The following APLP2 variants were observed in gnomAD, a reference collection of about 807,000 sequenced individuals.
APLP2 encodes CDEI box-binding protein.
APLP2 carries 53 observed loss-of-function variants against 89.9 expected under a neutral mutation model. The observed-to-expected ratio is 0.59, with a 90% CI of 0.47 to 0.74. APLP2 has a LOEUF of 0.74. APLP2 is among the 30% of genes least tolerant of loss of function. The pLI is 0.00. For missense variants in APLP2, 973 were observed against 975.9 expected, an observed-to-expected ratio of 1.00 and a Z score of 0.04; for synonymous variants, 372 against 348.6, an observed-to-expected ratio of 1.07 and a Z score of -0.75.
intron 11 of APLP2, among the ~76,000 whole-genome samples, chr11:130,132,109 T>C (rs1950990481): frequency 6.6e-6 from 1 of 152,158 alleles, no homozygotes; most frequent in Non-Finnish European, 1.5e-5. Context: ...CTGTGGTTCT[T>C]GTCCTCTGTG....
intron 1 of APLP2, among the ~76,000 whole-genome samples, chr11:130,106,021 G>A (rs1421410698): frequency 1.3e-5 from 2 of 152,076 alleles, no homozygotes; most frequent in East Asian, 1.9e-4. Context: ...TGCTTTTCTC[G>A]TGCATGTCTG....
At chr11:130,143,281 T>C in intron 16 of APLP2, 66 bp from the exon 17 acceptor site, 1 of 1,447,142 alleles carries the variant, frequency 6.9e-7, no homozygotes, top group South Asian at 1.1e-5. Flanking sequence ...ATGGCTCAGG[T>C]CTCCCAGCAC....
intron 1 of APLP2, among the ~76,000 whole-genome samples, chr11:130,091,919 C>G (rs1366943815): frequency 7.7e-6 from 1 of 129,622 alleles, no homozygotes; most frequent in Non-Finnish European, 1.6e-5. Flanking sequence ...CTCCTCACTT[C>G]TCAGACGGGG....
intron 1 of APLP2, among the ~76,000 whole-genome samples, chr11:130,081,196 A>T (rs1943096079): frequency 6.6e-6 from 1 of 152,104 alleles, no homozygotes; most frequent in South Asian, 2.1e-4. Context: ...CCAGGTCATT[A>T]CATATTTTGT....
rs1196960502 is a variant in APLP2 at position 130,069,896 on chromosome 11, A to G, written c.-82A>G. On this transcript the variant is annotated 5_prime_UTR_variant, in exon 1 of 17. The change abolishes an upstream ATG in the 5' untranslated region. Coordinates refer to ENST00000338167, the MANE Select transcript of APLP2 (RefSeq NM_001142276.2). ...CGGGGCGGCGGCGAACTGGCTTTAG[A>G]TGCTTCTGGGTCGCGGTGTGCTAAG... The G allele has an allele frequency of 2.8e-6, 3 of 1,070,568 alleles. No homozygotes were observed. The highest frequency in any genetic ancestry group is 1.7e-5 in the African/African-American group (1 of 59,998). 66.3% of individuals were successfully genotyped at this position (1,070,568 alleles called of 1,614,324 possible).
At position 130,123,813 on chromosome 11, in the gene APLP2, G is replaced by A; in HGVS notation, c.1090+34G>A. 6.2e-7 allele frequency: 1 copy of A among 1,605,574 alleles called. No homozygotes were observed. Among genetic ancestry groups the A allele is most frequent in the Non-Finnish European group, 8.5e-7 (1 of 1,174,530 alleles). ...TGCCTCGCGCTGGTCCCGTGCGGCA[G>A]CACCGTCCTGTCTGGCGTCCGTCTC... On this transcript the variant is annotated intron_variant, in intron 7 of 16. Transcript: ENST00000338167. This position sits in a 1 kb window ranked among gnomAD's most constrained non-coding sequence, Gnocchi z 4.0.
intron 1 of APLP2, chr11:130,070,674 G>C (rs1437491618): frequency 6.1e-6 from 9 of 1,478,418 alleles, no homozygotes; most frequent in Admixed American, 4.7e-5. Flanking sequence ...TGCCGCCTGG[G>C]GCCGGGTCGC....
At chr11:130,129,952 T>G (rs1950752112) in intron 10 of APLP2, 86 bp from the exon 11 acceptor site, 2 of 1,482,392 alleles carry the variant, frequency 1.3e-6, no homozygotes, top group Non-Finnish European at 9.3e-7. Context: ...CTTTACATTC[T>G]TAAGTGAACT....
chr11:130,079,083 T>TTTG, intron 1 of APLP2, among the ~76,000 whole-genome samples: 1 of 130,758 alleles, frequency 7.6e-6, no homozygotes, highest in East Asian at 2.5e-4. Context: ...CATGTATTTT[T>TTTG]TTTATTTATT....
intron 1 of APLP2, among the ~76,000 whole-genome samples, chr11:130,073,595 C>T (rs1469166771): frequency 1.3e-5 from 2 of 152,202 alleles, no homozygotes; most frequent in African/African-American, 2.4e-5. Context: ...GTAATCCTAG[C>T]ACTTTGGGAG....
Position 130,141,416 on chromosome 11 carries a change from G to A in APLP2, c.1924-82G>A, listed in dbSNP as rs1952368307. ...ACCTGCTTCCTTCCATCAAGCAGCAGGTAGCAGAGGAAGGAGGCAGTAAAT... is the reference window on the plus strand; with the variant it reads ...ACCTGCTTCCTTCCATCAAGCAGCAAGTAGCAGAGGAAGGAGGCAGTAAAT... On this transcript the variant is annotated intron_variant, in intron 14 of 16. Coordinates refer to ENST00000338167, the MANE Select transcript of APLP2 (RefSeq NM_001142276.2). The surrounding 1 kb of genome is among the most constrained non-coding windows in gnomAD (Gnocchi z 4.2). 2 of 1,141,376 alleles carry A rather than the reference G, an allele frequency of 1.8e-6. No homozygotes were observed. Among genetic ancestry groups the A allele is most frequent in the African/African-American group, 3.0e-5 (2 of 66,030 alleles). 70.7% of individuals were successfully genotyped at this position (1,141,376 alleles called of 1,614,324 possible). A position where few individuals can be genotyped will look rare whatever the true frequency, so the allele number is the denominator to read the frequency against.
intron 1 of APLP2, among the ~76,000 whole-genome samples, chr11:130,071,170 A>G (rs927154184): frequency 3.3e-5 from 5 of 152,160 alleles, no homozygotes; most frequent in Admixed American, 1.3e-4. Context: ...AGAGACCTGA[A>G]GACTGGATTT....
chr11:130,114,297 T>C (rs1948933975), intron 3 of APLP2: 1 of 152,226 alleles, frequency 6.6e-6, no homozygotes, highest in South Asian at 2.1e-4. Context: ...ACGCCTCCGA[T>C]AAACCTCACT....
At chr11:130,073,653 C>A (rs570304904) in intron 1 of APLP2, among the ~76,000 whole-genome samples, 81 of 152,294 alleles carry the variant, frequency 5.3e-4, no homozygotes, top group Non-Finnish European at 1.0e-3. Context: ...CCAGCCTGAG[C>A]AACATGGTGA....
intron 10 of APLP2, 40 bp from the exon 11 acceptor site, chr11:130,129,998 T>A: frequency 6.2e-7 from 1 of 1,602,058 alleles, no homozygotes; most frequent in Non-Finnish European, 8.5e-7. Context: ...TTTTCAATTC[T>A]CTAGTCTCTG....
At chr11:130,127,890 T>C in intron 9 of APLP2, 50 bp downstream of exon 9, 1 of 1,526,866 alleles carries the variant, frequency 6.5e-7, no homozygotes, top group Non-Finnish European at 9.0e-7. Flanking sequence ...CATTGGAAAA[T>C]ACGGTCAGAG....
chr11:130,090,575 T>TG, intron 1 of APLP2, among the ~76,000 whole-genome samples: 1 of 151,982 alleles, frequency 6.6e-6, no homozygotes, highest in South Asian at 2.1e-4. Context: ...AGCACAGGGT[T>TG]GGGGGTAAGG....
intron 9 of APLP2, 34 bp from the exon 10 acceptor site, chr11:130,129,014 C>T (rs1370928482): frequency 6.3e-7 from 1 of 1,594,220 alleles, no homozygotes; most frequent in Non-Finnish European, 8.6e-7. Flanking sequence ...CTGGGTGCCA[C>T]AAATCATGTG....
intron 1 of APLP2, among the ~76,000 whole-genome samples, chr11:130,070,981 C>T (rs557497158): frequency 6.6e-6 from 1 of 152,326 alleles, no homozygotes; most frequent in East Asian, 1.9e-4. Flanking sequence ...CCGGAGCGGG[C>T]AGCCTTGGAG....
Sources: gnomAD v4.1 joint callset for allele counts (sites outside exome capture counted in the v4.1 genomes callset) on GRCh38, gnomAD v4.1.1 for gene constraint, Gnocchi (gnomAD v3.1) non-coding constraint, MANE v1.5 for transcripts, NCBI Gene and HGNC (gene_info 2026-07-23, HGNC 2026-07-21) for gene names.